Variants in CAMK2A observed in about 807,000 individuals in gnomAD.
The protein encoded by CAMK2A is calcium/calmodulin-dependent protein kinase type II subunit alpha.
Under a neutral mutation model 79.2 loss-of-function variants are expected in CAMK2A, and 7 were observed. The observed-to-expected ratio is 0.09, with a 90% CI of 0.05 to 0.17. The LOEUF (loss-of-function observed/expected upper bound fraction) is 0.17, where lower values mean the gene tolerates loss of function less well. CAMK2A is among the 10% of genes least tolerant of loss of function. The pLI is 1.00. For synonymous variants in CAMK2A, 242 were observed against 251.7 expected (o/e 0.96, Z 0.36); for missense variants, 214 against 646.4 (o/e 0.33, Z 7.25).
At position 150,222,202 on chromosome 5, in the gene CAMK2A, G is replaced by A; in HGVS notation, c.*508C>T. On this transcript the variant is annotated 3_prime_UTR_variant, in exon 19 of 19. Coordinates refer to ENST00000671881, the MANE Select transcript of CAMK2A (RefSeq NM_015981.4). ...GAGCACTTTGAGGCAGGAGGCTCCT[G>A]GCGTATGCTCTTCTCCCCACTCCTT... 1 of 421,694 alleles carries A rather than the reference G, an allele frequency of 2.4e-6. No homozygotes were observed. Among genetic ancestry groups the A allele is most frequent in the Non-Finnish European group, 4.4e-6 (1 of 227,042 alleles). 26.1% of individuals were successfully genotyped at this position (421,694 alleles called of 1,614,324 possible).
In CAMK2A at chr5:150,222,392, A is replaced by G; in HGVS notation, c.*318T>C. 1.6e-6 allele frequency: 1 copy of G among 640,894 alleles called. No individual in the cohort carries two copies. Among genetic ancestry groups the G allele is most frequent in the Non-Finnish European group, 2.8e-6 (1 of 351,910 alleles). 39.7% of individuals were successfully genotyped at this position (640,894 alleles called of 1,614,324 possible). A position where few individuals can be genotyped will look rare whatever the true frequency, so the allele number is the denominator to read the frequency against. On this transcript the variant is annotated 3_prime_UTR_variant, in exon 19 of 19. Coordinates refer to ENST00000671881, the MANE Select transcript of CAMK2A (RefSeq NM_015981.4). ...CACCAGCCCGGGCATTCTAGCCTACAGCCCAAGACAGATCAGGCGGACAGC... is the reference window on the plus strand; with the variant it reads ...CACCAGCCCGGGCATTCTAGCCTACGGCCCAAGACAGATCAGGCGGACAGC...
At chr5:150,228,692 C>T (rs1044575060) in intron 16 of CAMK2A, among the ~76,000 whole-genome samples, 1 of 152,108 alleles carries the variant, frequency 6.6e-6, no homozygotes, top group Non-Finnish European at 1.5e-5. Flanking sequence ...TCTAATTTGT[C>T]TTCCTGTGGG....
chr5:150,246,657 G>A (rs548107761), intron 12 of CAMK2A, among the ~76,000 whole-genome samples: 3 of 152,304 alleles, frequency 2.0e-5, no homozygotes, highest in Admixed American at 2.0e-4. Context: ...GACTATCTGG[G>A]TAGCTCATCT....
At chr5:150,244,663 C>T (rs960306139) in intron 13 of CAMK2A, among the ~76,000 whole-genome samples, 9 of 152,084 alleles carry the variant, frequency 5.9e-5, no homozygotes, top group Non-Finnish European at 7.4e-5. Context: ...CAAGCCTTGC[C>T]GGGAGGGGGC....
intron 2 of CAMK2A, 62 bp downstream of exon 2, chr5:150,273,003 G>T: frequency 7.6e-7 from 1 of 1,319,026 alleles, no homozygotes; most frequent in Non-Finnish European, 1.1e-6. Flanking sequence ...AAACCAAGCA[G>T]TACAGGTAAG....
intron 12 of CAMK2A, 179 bp from the exon 13 acceptor site, chr5:150,245,380 C>T: frequency 1.6e-6 from 1 of 610,870 alleles, no homozygotes; most frequent in South Asian, 1.9e-5. Context: ...CTCCTCCCTC[C>T]TTGGAGGCCC....
intron 11 of CAMK2A, among the ~76,000 whole-genome samples, chr5:150,248,105 A>G (rs1331890704): frequency 6.6e-6 from 1 of 152,060 alleles, no homozygotes; most frequent in African/African-American, 2.4e-5. Flanking sequence ...CAAGCTGAAG[A>G]GCTTGAGGGA....
intron 2 of CAMK2A, among the ~76,000 whole-genome samples, chr5:150,267,313 T>A (rs189613895): frequency 6.6e-6 from 1 of 151,654 alleles, no homozygotes; most frequent in East Asian, 2.0e-4. Flanking sequence ...CTCAGGCAGG[T>A]CAAGGTCAGG....
intron 16 of CAMK2A, among the ~76,000 whole-genome samples, chr5:150,229,419 C>T (rs1021742318): frequency 2.6e-5 from 4 of 152,182 alleles, no homozygotes; most frequent in African/African-American, 9.7e-5. Flanking sequence ...CCTGGAGGCA[C>T]CTGGGTGTTC....
At chr5:150,239,808 C>T in intron 13 of CAMK2A, 72 bp from the exon 14 acceptor site, 1 of 1,362,492 alleles carries the variant, frequency 7.3e-7, no homozygotes. Context: ...AGAGGAACGA[C>T]AGGGGAGGTT....
At chr5:150,252,926 C>T (rs1580925082) in intron 7 of CAMK2A, among the ~76,000 whole-genome samples, 1 of 152,154 alleles carries the variant, frequency 6.6e-6, no homozygotes, top group South Asian at 2.1e-4. Flanking sequence ...CTCAATATTG[C>T]CCACTAAAAA....
chr5:150,223,354 G>T lies in CAMK2A; in HGVS notation c.1238-137C>A. On this transcript the variant is annotated intron_variant, in intron 17 of 18. Coordinates refer to ENST00000671881, the MANE Select transcript of CAMK2A (RefSeq NM_015981.4). The surrounding 1 kb of genome is among the most constrained non-coding windows in gnomAD (Gnocchi z 4.1). Reference sequence around the variant, plus strand: ...TCATTTGCAGGGAAGGGGCCTGTGTGGCAGGACTCAGCTACCTGGGATCAA... The same window carrying T: ...TCATTTGCAGGGAAGGGGCCTGTGTTGCAGGACTCAGCTACCTGGGATCAA... 1 of 670,936 alleles carries T rather than the reference G, an allele frequency of 1.5e-6. No individual in the cohort carries two copies. The highest frequency in any genetic ancestry group is 2.6e-6 in the Non-Finnish European group (1 of 388,442). 41.6% of individuals were successfully genotyped at this position (670,936 alleles called of 1,614,324 possible).
intron 13 of CAMK2A, 51 bp from the exon 14 acceptor site, chr5:150,239,787 C>T (rs375930051): frequency 2.2e-4 from 340 of 1,528,074 alleles, no homozygotes; most frequent in East Asian, 2.9e-4. Context: ...AGCGTGAAAA[C>T]GGCAGGGAGC....
chr5:150,280,213 T>C (rs1757149706), intron 1 of CAMK2A, among the ~76,000 whole-genome samples: 2 of 152,314 alleles, frequency 1.3e-5, no homozygotes, highest in South Asian at 2.1e-4. Context: ...ACGTTACATC[T>C]GTGAGTCTCA....
intron 3 of CAMK2A, among the ~76,000 whole-genome samples, chr5:150,259,607 A>G (rs1213140820): frequency 6.6e-6 from 1 of 152,252 alleles, no homozygotes; most frequent in Non-Finnish European, 1.5e-5. Context: ...AAGATGTTTT[A>G]AATATATTCT....
chr5:150,285,935 C>T (rs1264783081), intron 1 of CAMK2A, among the ~76,000 whole-genome samples: 3 of 152,160 alleles, frequency 2.0e-5, no homozygotes, highest in Admixed American at 6.5e-5. Flanking sequence ...TTTCCACTTC[C>T]TTGAACGTGA....
chr5:150,247,760 C>T lies in CAMK2A; in HGVS notation c.943+12G>A, dbSNP rs1308774185. ...CAGGGCTTACTGGGGACCCTGAGGT[C>T]CTGCCACCTACCGGAGAAGTTCCTG... is the stretch of plus-strand genomic sequence containing the variant. On this transcript the variant is annotated intron_variant, in intron 12 of 18. Transcript: ENST00000671881. The T allele has an allele frequency of 6.2e-7, 1 of 1,608,472 alleles. No individual in the cohort carries two copies. Among genetic ancestry groups the T allele is most frequent in the Non-Finnish European group, 8.5e-7 (1 of 1,177,798 alleles).
intron 7 of CAMK2A, among the ~76,000 whole-genome samples, chr5:150,252,940 C>T (rs1426445678): frequency 6.6e-6 from 1 of 152,220 alleles, no homozygotes; most frequent in Non-Finnish European, 1.5e-5. Flanking sequence ...CTAAAAAGTA[C>T]TCCCAGGTAG....
At position 150,221,525 on chromosome 5, in the gene CAMK2A, G is replaced by A. The variant is rs1215640803; in HGVS notation, c.*1185C>T. The A allele has an allele frequency of 2.5e-5, 10 of 398,596 alleles. No individual in the cohort carries two copies. The highest frequency in any genetic ancestry group is 4.4e-5 in the Non-Finnish European group (10 of 226,104). The allele number at this position is 398,596 out of a possible 1,614,324, so 24.7% of individuals were successfully genotyped here. A position where few individuals can be genotyped will look rare whatever the true frequency, so the allele number is the denominator to read the frequency against. On this transcript the variant is annotated 3_prime_UTR_variant, in exon 19 of 19. Transcript: ENST00000671881. ...GAGAAGACCCCAGTTTGCGAGGGAAGCAAAGAAAAGTCCAGGTATTTCCAT... is the reference window on the plus strand; with the variant it reads ...GAGAAGACCCCAGTTTGCGAGGGAAACAAAGAAAAGTCCAGGTATTTCCAT...
Sources: gnomAD v4.1 joint callset for allele counts (sites outside exome capture counted in the v4.1 genomes callset) on GRCh38, gnomAD v4.1.1 for gene constraint, Gnocchi (gnomAD v3.1) non-coding constraint, MANE v1.5 for transcripts, NCBI Gene and HGNC (gene_info 2026-07-23, HGNC 2026-07-21) for gene names.